Variants in ONECUT1 observed in about 807,000 individuals in gnomAD.
ONECUT1 encodes one cut homeobox 1, also known as hepatocyte nuclear factor 6.
ONECUT1 carries 12 observed loss-of-function variants against 25.6 expected under a neutral mutation model. That is an observed-to-expected ratio of 0.47 (90% CI 0.30 to 0.76). The LOEUF (loss-of-function observed/expected upper bound fraction) is 0.76. ONECUT1 is among the 30% of genes least tolerant of loss of function. ONECUT1 has a pLI of 0.07. For missense variants in ONECUT1, 620 were observed against 651.2 expected (o/e 0.95, Z 0.52); for synonymous variants, 285 against 270.2 (o/e 1.05, Z -0.54).
At position 52,777,730 on chromosome 15, in the gene ONECUT1, ACACAC is replaced by A. The variant is rs1162714789; in HGVS notation, c.1105+11045_1105+11049del. Among the ~76,000 whole-genome samples the A allele has an allele frequency of 2.7e-4, 35 of 128,074 alleles. 1 individual carries two copies. The highest frequency in any genetic ancestry group is 5.6e-4 in the Admixed American group (8 of 14,220). 84.0% of individuals were successfully genotyped at this position (128,074 alleles called of 152,430 possible). ...CACACACACACACACACACACACACACACACACAAAAAAACATGTAAAGTTATTTG... is the reference window on the plus strand; with the variant it reads ...CACACACACACACACACACACACACAACAAAAAAACATGTAAAGTTATTTG... On this transcript the variant is annotated intron_variant, in intron 1 of 1. Transcript: ENST00000305901.
intron 1 of ONECUT1, among the ~76,000 whole-genome samples, chr15:52,786,402 A>C (rs2083875064): frequency 6.6e-6 from 1 of 152,232 alleles, no homozygotes; most frequent in African/African-American, 2.4e-5. Context: ...ATGCTTCCTC[A>C]GGGTCTCAGG....
intron 1 of ONECUT1, among the ~76,000 whole-genome samples, chr15:52,782,231 A>G (rs1381470881): frequency 6.6e-6 from 1 of 152,204 alleles, no homozygotes; most frequent in Non-Finnish European, 1.5e-5. Flanking sequence ...TGATACCGTA[A>G]CATCTCTTGG....
At position 52,790,112 on chromosome 15, in the gene ONECUT1, T is replaced by G; in HGVS notation, c.-228A>C. On this transcript the variant is annotated 5_prime_UTR_variant, in exon 1 of 2. Transcript: ENST00000305901. Reference sequence around the variant, plus strand: ...CTCGCCTTCCCTCTTACCCCCCACCTTCCCCTCTGCGTCCTCGGCTTTTTT... The same window carrying G: ...CTCGCCTTCCCTCTTACCCCCCACCGTCCCCTCTGCGTCCTCGGCTTTTTT... 1 of 520,748 alleles carries G rather than the reference T, an allele frequency of 1.9e-6. No individual in the cohort carries two copies. Among genetic ancestry groups the G allele is most frequent in the Non-Finnish European group, 2.9e-6 (1 of 340,028 alleles). 32.3% of individuals were successfully genotyped at this position (520,748 alleles called of 1,614,324 possible). A position where few individuals can be genotyped will look rare whatever the true frequency, so the allele number is the denominator to read the frequency against.
Position 52,784,435 on chromosome 15 carries a change from C to G in ONECUT1, c.1105+4345G>C, listed in dbSNP as rs1043504748. On this transcript the variant is annotated intron_variant, in intron 1 of 1. Coordinates refer to ENST00000305901, the MANE Select transcript of ONECUT1 (RefSeq NM_004498.4). The surrounding 1 kb of genome is among the most constrained non-coding windows in gnomAD (Gnocchi z 5.0). Reference sequence around the variant, plus strand: ...CCTCCGAACAGGTAGTGGAGTTCGTCTCTGGCAGGCATCCTAGCTGCGCTG... The same window carrying G: ...CCTCCGAACAGGTAGTGGAGTTCGTGTCTGGCAGGCATCCTAGCTGCGCTG... Among the ~76,000 whole-genome samples the G allele has an allele frequency of 6.6e-6, 1 of 152,206 alleles. No homozygotes were observed. Among genetic ancestry groups the G allele is most frequent in the Admixed American group, 6.5e-5 (1 of 15,282 alleles).
At chr15:52,773,254 G>A (rs986977767) in intron 1 of ONECUT1, among the ~76,000 whole-genome samples, 39 of 151,844 alleles carry the variant, frequency 2.6e-4, no homozygotes, top group African/African-American at 9.2e-4. Flanking sequence ...AAGAGAGAGA[G>A]AGAGAGGTAG....
rs1162457667 is a variant in ONECUT1, at chr15:52,789,825, C to G, written c.60G>C (p.Pro20=). Residue 20 remains proline (P), a synonymous_variant, in exon 1 of 2, where the codon CCG becomes CCC. Coordinates refer to ENST00000305901, the MANE Select transcript of ONECUT1 (RefSeq NM_004498.4). The surrounding 1 kb of genome is among the most constrained non-coding windows in gnomAD (Gnocchi z 4.1). The stretch of plus-strand genomic sequence containing the variant: ...CCAGCAGGTCGGCAGGGGCGGGCAC[C>G]GGCTCATGGCTCACCCCGTGCAGCT... ...IGELHGVSHE[P]VPAPADLLGG... The G allele has an allele frequency of 4.6e-6, 7 of 1,531,214 alleles. No individual in the cohort carries two copies. Among genetic ancestry groups the G allele is most frequent in the Middle Eastern group, 1.8e-4 (1 of 5,664 alleles). The allele number at this position is 1,531,214 out of a possible 1,614,324, so 94.9% of individuals were successfully genotyped here.
intron 1 of ONECUT1, among the ~76,000 whole-genome samples, chr15:52,759,050 GGC>G (rs2083690220): frequency 6.6e-6 from 1 of 152,190 alleles, no homozygotes; most frequent in Non-Finnish European, 1.5e-5. Context: ...CCCCTATGTA[GGC>G]GTTCTAGAGC....
chr15:52,777,060 A>G (rs879077825), intron 1 of ONECUT1, among the ~76,000 whole-genome samples: 12 of 152,340 alleles, frequency 7.9e-5, no homozygotes, highest in Admixed American at 2.0e-4. Flanking sequence ...TAGAACATTA[A>G]TAACTTTTTT....
chr15:52,789,495 A>G lies in ONECUT1; in HGVS notation c.390T>C (p.His130=), dbSNP rs1566996201. 1.2e-6 allele frequency: 2 copies of G among 1,611,444 alleles called. No homozygotes were observed. Residue 130 remains histidine, a synonymous_variant, in exon 1 of 2, where the codon CAT becomes CAC. Coordinates refer to ENST00000305901, the MANE Select transcript of ONECUT1 (RefSeq NM_004498.4). This position sits in a 1 kb window ranked among gnomAD's most constrained non-coding sequence, Gnocchi z 4.1. ...GGTGGTGGTGCGGGTGGTGGTGGTGATGGTGGTGGTGGTGATGGTGGGGGA... is the reference window on the plus strand; with the variant it reads ...GGTGGTGGTGCGGGTGGTGGTGGTGGTGGTGGTGGTGGTGATGGTGGGGGA... The part of the protein sequence containing the change: ...DKFPHHHHHH[H]HHHHPHHHQR...
At chr15:52,770,445 C>T (rs193088068) in intron 1 of ONECUT1, among the ~76,000 whole-genome samples, 1 of 152,316 alleles carries the variant, frequency 6.6e-6, no homozygotes, top group Non-Finnish European at 1.5e-5. Flanking sequence ...CCAGGGTAGA[C>T]TCTGAGATTC....
In ONECUT1 at chr15:52,757,251, C is replaced by G; in HGVS notation, c.*304G>C. 3.1e-6 allele frequency: 1 copy of G among 321,742 alleles called. No individual in the cohort carries two copies. The highest frequency in any genetic ancestry group is 5.2e-5 in the South Asian group (1 of 19,144). 19.9% of individuals were successfully genotyped at this position (321,742 alleles called of 1,614,324 possible). On this transcript the variant is annotated 3_prime_UTR_variant, in exon 2 of 2. Transcript: ENST00000305901. ...ATGTCCGCTCAATGGCTCAAAATCACTATGCTCCAAACCACTAAACAGCCA... is the reference window on the plus strand; with the variant it reads ...ATGTCCGCTCAATGGCTCAAAATCAGTATGCTCCAAACCACTAAACAGCCA...
chr15:52,779,516 A>T (rs1488963844), intron 1 of ONECUT1, among the ~76,000 whole-genome samples: 1 of 152,232 alleles, frequency 6.6e-6, no homozygotes, highest in African/African-American at 2.4e-5. Context: ...TAGTTTCAAT[A>T]TGCAAATTTA....
intron 1 of ONECUT1, among the ~76,000 whole-genome samples, chr15:52,777,727 C>CAAAAAAAAAAAAAAA (rs1566992332): frequency 6.4e-5 from 6 of 93,834 alleles, no homozygotes; most frequent in African/African-American, 3.3e-4. Context: ...CACACACACA[C>CAAAAAAAAAAAAAAA]ACACACACAC....
chr15:52,757,938 C>G (rs2083683902), intron 1 of ONECUT1, 91 bp from the exon 2 acceptor site: 1 of 1,372,290 alleles, frequency 7.3e-7, no homozygotes, highest in Non-Finnish European at 1.0e-6. Context: ...TTAGCCATTC[C>G]TCATGGCCTG....
chr15:52,789,780 G>A lies in ONECUT1; in HGVS notation c.105C>T (p.Arg35=), dbSNP rs1244932228. The A allele has an allele frequency of 2.1e-6, 3 of 1,438,820 alleles. No individual in the cohort carries two copies. Among genetic ancestry groups the A allele is most frequent in the Non-Finnish European group, 1.8e-6 (2 of 1,109,290 alleles). 89.1% of individuals were successfully genotyped at this position (1,438,820 alleles called of 1,614,324 possible). A position where few individuals can be genotyped will look rare whatever the true frequency, so the allele number is the denominator to read the frequency against. The change falls in exon 1 of 2, where the codon CGC becomes CGT. Residue 35 remains arginine (R), a synonymous_variant. Transcript: ENST00000305901. The surrounding 1 kb of genome is among the most constrained non-coding windows in gnomAD (Gnocchi z 4.1). ...ADLLGGSPHA[R]SSVAHRGSHL... ...GGCTGCCGCGGTGCGCCACGGAGCTGCGCGCGTGGGGGCTGCCGCCCAGCA... is the reference window on the plus strand; with the variant it reads ...GGCTGCCGCGGTGCGCCACGGAGCTACGCGCGTGGGGGCTGCCGCCCAGCA...
intron 1 of ONECUT1, chr15:52,785,687 C>G (rs931177530): frequency 6.6e-6 from 1 of 152,356 alleles, no homozygotes; most frequent in Non-Finnish European, 1.5e-5. Context: ...CCCACCCACA[C>G]CCCCCGCCTC....
Position 52,788,858 on chromosome 15 carries a change from C to A in ONECUT1, c.1027G>T (p.Gly343Cys), listed in dbSNP as rs749675823. 1 of 1,614,140 alleles carries A rather than the reference C, an allele frequency of 6.2e-7. No individual in the cohort carries two copies. The highest frequency in any genetic ancestry group is 8.5e-7 in the Non-Finnish European group (1 of 1,180,004). Residue 343 changes from glycine to cysteine, a missense_variant, in exon 1 of 2, where the codon GGC becomes TGC. Gly to Cys is a radical substitution (Grantham distance 159). Around this residue, in one of 4 missense-constraint regions of ONECUT1, gnomAD observed 146 missense variants for 201.8 expected, o/e 0.72. Coordinates refer to ENST00000305901, the MANE Select transcript of ONECUT1 (RefSeq NM_004498.4). The surrounding 1 kb of genome is among the most constrained non-coding windows in gnomAD (Gnocchi z 4.3). ...CACATCCTCCGGAAGGTCTCCCGGC[C>A]GGATTTGAGTTTGCTCCAGGGTTTG... ...NPKPWSKLKSGRETFRRMWKW... is the reference protein window; with the variant it reads ...NPKPWSKLKSCRETFRRMWKW...
chr15:52,784,824 A>C lies in ONECUT1; in HGVS notation c.1105+3956T>G, dbSNP rs1051045126. The stretch of plus-strand genomic sequence containing the variant: ...ACTTTTCGGCCTGGCGGGCTCTGGG[A>C]CTCCTTGGTCTCCGTAGGAGGCCAT... On this transcript the variant is annotated intron_variant, in intron 1 of 1. Coordinates refer to ENST00000305901, the MANE Select transcript of ONECUT1 (RefSeq NM_004498.4). This position sits in a 1 kb window ranked among gnomAD's most constrained non-coding sequence, Gnocchi z 5.0. 6.6e-6 allele frequency among the ~76,000 whole-genome samples: 1 copy of C among 151,900 alleles called. No individual in the cohort carries two copies. Among genetic ancestry groups the C allele is most frequent in the Admixed American group, 6.6e-5 (1 of 15,266 alleles).
chr15:52,781,080 G>A, intron 1 of ONECUT1: 1 of 175,092 alleles, frequency 5.7e-6, no homozygotes, highest in Non-Finnish European at 1.2e-5. Flanking sequence ...AGGCACTGAT[G>A]TGGAGCCAAG....
Sources: gnomAD v4.1 joint callset for allele counts (sites outside exome capture counted in the v4.1 genomes callset) on GRCh38, gnomAD v4.1.1 for gene constraint, gnomAD v4.1.1 regional missense constraint, Gnocchi (gnomAD v3.1) non-coding constraint, MANE v1.5 for transcripts, NCBI Gene and HGNC (gene_info 2026-07-23, HGNC 2026-07-21) for gene names.